The following CTNNA3 variants were observed in gnomAD, a reference collection of about 807,000 sequenced individuals.
CTNNA3 encodes the protein catenin alpha-3.
CTNNA3 carries 76 observed loss-of-function variants against 95.7 expected under a neutral mutation model. The observed-to-expected ratio is 0.79, with a 90% CI of 0.66 to 0.96. The LOEUF is 0.96. Among genes scored for constraint, CTNNA3 ranks in the 40% least tolerant of loss-of-function variants. The pLI is 0.00. For missense variants in CTNNA3, 1,191 were observed against 1,089.8 expected (o/e 1.09, Z -1.31); for synonymous variants, 431 against 374.4 (o/e 1.15, Z -1.74).
At chr10:66,096,982 T>C (rs1378057614) in intron 14 of CTNNA3, among the ~76,000 whole-genome samples, 3 of 152,162 alleles carry the variant, frequency 2.0e-5, no homozygotes, top group Non-Finnish European at 2.9e-5. Flanking sequence ...AATAAGAACT[T>C]GACAACTATT....
chr10:66,999,843 T>C (rs570769258), intron 7 of CTNNA3, among the ~76,000 whole-genome samples: 2 of 152,340 alleles, frequency 1.3e-5, no homozygotes, highest in African/African-American at 4.8e-5. Context: ...AGTCTTATTT[T>C]CCTAAAATGT....
intron 12 of CTNNA3, among the ~76,000 whole-genome samples, chr10:66,304,194 A>G (rs2091902128): frequency 6.6e-6 from 1 of 152,182 alleles, no homozygotes; most frequent in Non-Finnish European, 1.5e-5. Context: ...TGAAAACATG[A>G]TATCATTTAG....
intron 3 of CTNNA3, among the ~76,000 whole-genome samples, chr10:67,551,258 G>A (rs968622274): frequency 7.2e-5 from 11 of 152,096 alleles, no homozygotes; most frequent in African/African-American, 2.7e-4. Context: ...GGTGGAAGAA[G>A]ACACAAGTGG....
intron 13 of CTNNA3, among the ~76,000 whole-genome samples, chr10:66,146,107 C>G (rs1418348575): frequency 6.6e-6 from 1 of 152,180 alleles, no homozygotes; most frequent in African/African-American, 2.4e-5. Context: ...CTGCTTTGGC[C>G]TCCCAAAGTG....
chr10:67,281,413 C>T (rs572501608), intron 5 of CTNNA3, among the ~76,000 whole-genome samples: 23 of 152,198 alleles, frequency 1.5e-4, no homozygotes, highest in East Asian at 9.7e-4. Flanking sequence ...TATATCAGCA[C>T]GCTGAGTGCT....
intron 17 of CTNNA3, among the ~76,000 whole-genome samples, chr10:65,957,417 T>A (rs2077753777): frequency 6.6e-6 from 1 of 152,224 alleles, no homozygotes; most frequent in East Asian, 1.9e-4. Flanking sequence ...TATGTGTGAA[T>A]TTGATCCTGT....
At position 67,562,281 on chromosome 10, in the gene CTNNA3, C is replaced by G. The variant is rs895100111; in HGVS notation, c.293-22612G>C. Among the ~76,000 whole-genome samples the G allele has an allele frequency of 8.5e-5, 13 of 152,142 alleles. 1 individual carries two copies. Among genetic ancestry groups the G allele is most frequent in the African/African-American group, 3.1e-4 (13 of 41,424 alleles). On this transcript the variant is annotated intron_variant, in intron 3 of 17. Transcript: ENST00000433211. ...CTGAATCCAGCAGCACATCAAAAAG[C>G]TTATCCACCATGATCAAGTGGGCTT...
At chr10:67,039,330 A>G (rs938207958) in intron 7 of CTNNA3, among the ~76,000 whole-genome samples, 6 of 152,158 alleles carry the variant, frequency 3.9e-5, no homozygotes, top group African/African-American at 1.4e-4. Flanking sequence ...ATGCTAAAAT[A>G]AGTTATTTAT....
intron 13 of CTNNA3, among the ~76,000 whole-genome samples, chr10:66,119,709 C>A (rs1030719540): frequency 6.6e-6 from 1 of 151,968 alleles, no homozygotes; most frequent in Non-Finnish European, 1.5e-5. Flanking sequence ...TAATTAGGTT[C>A]TCATTCTTGT....
At chr10:67,451,341 A>C (rs1398487389) in intron 5 of CTNNA3, among the ~76,000 whole-genome samples, 1 of 152,180 alleles carries the variant, frequency 6.6e-6, no homozygotes, top group Non-Finnish European at 1.5e-5. Flanking sequence ...GGAAACTATA[A>C]AAATAAATGT....
At chr10:66,557,256 T>C (rs546944869) in intron 10 of CTNNA3, among the ~76,000 whole-genome samples, 1 of 152,094 alleles carries the variant, frequency 6.6e-6, no homozygotes, top group Non-Finnish European at 1.5e-5. Context: ...ATTTCTAGCA[T>C]ATCAATTTTC....
intron 13 of CTNNA3, among the ~76,000 whole-genome samples, chr10:66,200,621 C>T (rs929310254): frequency 6.6e-5 from 10 of 152,108 alleles, no homozygotes; most frequent in South Asian, 2.1e-4. Flanking sequence ...CGAATGTATC[C>T]GATAAAATTT....
At chr10:66,392,907 G>A (rs112288916) in intron 11 of CTNNA3, among the ~76,000 whole-genome samples, 1 of 151,946 alleles carries the variant, frequency 6.6e-6, no homozygotes, top group Admixed American at 6.6e-5. Flanking sequence ...TATTTACCCA[G>A]ATAAATTTAA....
chr10:66,177,281 C>T (rs1213403633), intron 13 of CTNNA3, among the ~76,000 whole-genome samples: 1 of 151,732 alleles, frequency 6.6e-6, no homozygotes, highest in Non-Finnish European at 1.5e-5. Context: ...TCCAAATTTC[C>T]TGGATTTTAA....
intron 13 of CTNNA3, among the ~76,000 whole-genome samples, chr10:66,111,289 G>T (rs1045927268): frequency 6.6e-6 from 1 of 152,114 alleles, no homozygotes; most frequent in African/African-American, 2.4e-5. Flanking sequence ...TGCCATGATT[G>T]TAAGTTTCCT....
chr10:66,695,925 G>GGC (rs1847746976), intron 9 of CTNNA3, among the ~76,000 whole-genome samples: 1 of 129,254 alleles, frequency 7.7e-6, no homozygotes, highest in East Asian at 2.7e-4. Flanking sequence ...AAGGGGGGGG[G>GGC]GCAATAAAAA....
chr10:66,287,708 T>A (rs552808783), intron 12 of CTNNA3, among the ~76,000 whole-genome samples: 1 of 152,044 alleles, frequency 6.6e-6, no homozygotes, highest in East Asian at 1.9e-4. Flanking sequence ...CTAAGAAAAA[T>A]TTATTTTAAA....
intron 7 of CTNNA3, among the ~76,000 whole-genome samples, chr10:66,823,843 A>G (rs1396957922): frequency 6.6e-6 from 1 of 152,146 alleles, no homozygotes; most frequent in Non-Finnish European, 1.5e-5. Context: ...CACACTGCTA[A>G]TAACCAGAGG....
In CTNNA3 at chr10:66,302,706, A is replaced by G. The variant is rs540238433; in HGVS notation, c.1733-22085T>C. On this transcript the variant is annotated intron_variant, in intron 12 of 17. Coordinates refer to ENST00000433211, the MANE Select transcript of CTNNA3 (RefSeq NM_013266.4). ...TAGAAAGGTATGTGGGCACTTTACT[A>G]TCTGTACTATCATTGAATCTCTTCT... 1.6e-3 allele frequency among the ~76,000 whole-genome samples: 249 copies of G among 152,242 alleles called. 1 individual carries two copies. Among genetic ancestry groups the G allele is most frequent in the African/African-American group, 5.5e-3 (228 of 41,564 alleles).
Sources: allele counts gnomAD v4.1 joint callset (sites outside exome capture counted in the v4.1 genomes callset), GRCh38; gene constraint gnomAD v4.1.1; transcripts MANE v1.5; gene names NCBI Gene and HGNC (gene_info 2026-07-23, HGNC 2026-07-21).